SOS1: variants seen among roughly 807,000 people sequenced by gnomAD.
SOS1 encodes son of sevenless homolog 1.
In SOS1, 25 loss-of-function variants were observed where a neutral mutation model predicts 157.6. The observed-to-expected ratio is 0.16, with a 90% CI of 0.12 to 0.22. The LOEUF is 0.22. Among genes scored for constraint, SOS1 ranks in the 10% least tolerant of loss-of-function variants. SOS1 has a pLI of 1.00. For synonymous variants in SOS1, 528 were observed against 534.0 expected (o/e 0.99, Z 0.16); for missense variants, 1,237 against 1,599.1 (o/e 0.77, Z 3.86).
At chr2:39,105,063 T>C (rs746018358) in intron 1 of SOS1, among the ~76,000 whole-genome samples, 2 of 152,190 alleles carry the variant, frequency 1.3e-5, no homozygotes, top group African/African-American at 2.4e-5. Context: ...TTAAATGTTC[T>C]ATAGAAATCA....
Position 38,982,683 on chromosome 2 carries a change from T to A in SOS1, c.*3141A>T, listed in dbSNP as rs557573858. Reference sequence around the variant, plus strand: ...CAACACTAATAAATTGGGACACTCCTCCTATTTTGCTGAGTCACTTAAAAA... The same window carrying A: ...CAACACTAATAAATTGGGACACTCCACCTATTTTGCTGAGTCACTTAAAAA... On this transcript the variant is annotated 3_prime_UTR_variant, in exon 23 of 23. Transcript: ENST00000402219. The A allele has an allele frequency of 6.6e-6, 1 of 152,308 alleles. No individual in the cohort carries two copies. The highest frequency in any genetic ancestry group is 6.5e-5 in the Admixed American group (1 of 15,288). The allele number at this position is 152,308 out of a possible 1,614,324, so 9.4% of individuals were successfully genotyped here. A position where few individuals can be genotyped will look rare whatever the true frequency, so the allele number is the denominator to read the frequency against.
intron 1 of SOS1, among the ~76,000 whole-genome samples, chr2:39,083,288 A>G (rs904503071): frequency 1.3e-5 from 2 of 152,056 alleles, no homozygotes; most frequent in Non-Finnish European, 2.9e-5. Context: ...AGCAGAATGG[A>G]ATCTAGTGAA....
At position 38,986,005 on chromosome 2, in the gene SOS1, G is replaced by C. The variant is rs886041565; in HGVS notation, c.3821C>G (p.Pro1274Arg). The C allele has an allele frequency of 9.3e-6, 15 of 1,613,974 alleles. No individual in the cohort carries two copies. The highest frequency in any genetic ancestry group is 3.3e-5 in the Admixed American group (2 of 59,988). Reference sequence around the variant, plus strand: ...CACTTCTTGTGTCAATGGTGGTGATGGCAGATGCCTTCTTGTGCCGTGAGG... The same window carrying C: ...CACTTCTTGTGTCAATGGTGGTGATCGCAGATGCCTTCTTGTGCCGTGAGG... The part of the protein sequence containing the change: ...PSPHGTRRHL[P>R]SPPLTQEVDL... The change falls in exon 23 of 23, where the codon CCA (proline) becomes CGA (arginine). Residue 1274 changes from proline to arginine, a missense_variant. Around this residue, in one of 15 missense-constraint regions of SOS1, gnomAD observed 306 missense variants for 322.6 expected, o/e 0.95. Transcript: ENST00000402219.
intron 8 of SOS1, among the ~76,000 whole-genome samples, chr2:39,032,873 G>A (rs1366094078): frequency 1.3e-5 from 2 of 152,090 alleles, no homozygotes; most frequent in East Asian, 3.9e-4. Flanking sequence ...GCTGAGGCAG[G>A]AGAATCGCTC....
upstream of SOS1, chr2:39,124,041 A>C (rs372213960): frequency 2.6e-5 from 4 of 152,444 alleles, no homozygotes; most frequent in East Asian, 5.8e-4. Flanking sequence ...CAGGGCGGGT[A>C]ACTGGAGAGA....
At position 39,110,507 on chromosome 2, in the gene SOS1, A is replaced by G. The variant is rs986898816; in HGVS notation, c.87+9829T>C. ...AATCTCTTCAACAGGCTACTACTCT[A>G]GGCATACTGCCTATGGCACAGCCCT... is the stretch of plus-strand genomic sequence containing the variant. On this transcript the variant is annotated intron_variant, in intron 1 of 22. Coordinates refer to ENST00000402219, the MANE Select transcript of SOS1 (RefSeq NM_005633.4). 2.4e-4 allele frequency among the ~76,000 whole-genome samples: 37 copies of G among 152,268 alleles called. 1 individual carries two copies. In the East Asian group the frequency reaches 5.8e-3, roughly 24 times the overall value.
At chr2:38,988,355 C>T (rs1228471756) in intron 21 of SOS1, among the ~76,000 whole-genome samples, 1 of 152,006 alleles carries the variant, frequency 6.6e-6, no homozygotes, top group Non-Finnish European at 1.5e-5. Flanking sequence ...CTCTTACAGA[C>T]ATTTATGGTA....
Position 39,022,660 on chromosome 2 carries a change from C to G in SOS1, c.1768G>C (p.Glu590Gln), listed in dbSNP as rs730881047. The G allele has an allele frequency of 6.8e-6, 11 of 1,613,198 alleles. No individual in the cohort carries two copies. The highest frequency in any genetic ancestry group is 3.3e-4 in the Middle Eastern group (2 of 6,082). ...PDSEENIIFE[E>Q]NMQPKAGIPI... is the part of the protein sequence containing the mutation. ...ATTCCAGCCTTGGGCTGCATGTTCT[C>G]TTCAAATATAATATTCTCTTCAGAG... is the stretch of plus-strand genomic sequence containing the variant. Residue 590 changes from glutamate to glutamine, a missense_variant, in exon 10 of 23, where the codon GAG (glutamate) becomes CAG (glutamine). Glu to Gln is a conservative substitution (Grantham distance 29). Around this residue, in one of 15 missense-constraint regions of SOS1, gnomAD observed 210 missense variants for 220.2 expected, o/e 0.95. Transcript: ENST00000402219.
At chr2:39,001,508 T>C (rs1001455830) in intron 17 of SOS1, among the ~76,000 whole-genome samples, 2 of 152,162 alleles carry the variant, frequency 1.3e-5, no homozygotes. Context: ...TAAATGGTGG[T>C]TGTGCCAGCA....
chr2:39,064,742 A>ATTT (rs4015841), intron 2 of SOS1, among the ~76,000 whole-genome samples: 2,161 of 74,750 alleles, frequency 0.029, 260 homozygotes, highest in East Asian at 0.066. Flanking sequence ...TTTAAAATAC[A>ATTT]TTTTTTTTTT....
rs1043398173 is a variant in SOS1, at chr2:38,982,609, CTG to C, written c.*3213_*3214del. 2.0e-5 allele frequency: 3 copies of C among 152,114 alleles called. No individual in the cohort carries two copies. The highest frequency in any genetic ancestry group is 2.0e-4 in the Admixed American group (3 of 15,266). 9.4% of individuals were successfully genotyped at this position (152,114 alleles called of 1,614,324 possible). On this transcript the variant is annotated 3_prime_UTR_variant, in exon 23 of 23. Transcript: ENST00000402219. ...GAATACCAAGAAATAAATGGTTAAACTGTTTCTTTCTAAATCTGAAGGAACAA... is the reference window on the plus strand; with the variant it reads ...GAATACCAAGAAATAAATGGTTAAACTTTCTTTCTAAATCTGAAGGAACAA...
intron 5 of SOS1, among the ~76,000 whole-genome samples, chr2:39,052,853 A>G (rs750294351): frequency 2.6e-5 from 4 of 152,190 alleles, no homozygotes; most frequent in Non-Finnish European, 4.4e-5. Context: ...GTTTATTGTT[A>G]TAAAGAACTG....
At chr2:39,040,990 T>C (rs1670550133) in intron 6 of SOS1, among the ~76,000 whole-genome samples, 1 of 152,214 alleles carries the variant, frequency 6.6e-6, no homozygotes, top group Non-Finnish European at 1.5e-5. Context: ...TCTCCACATC[T>C]TCATGAACAC....
chr2:39,006,582 C>A (rs1669289822), intron 16 of SOS1, 53 bp from the exon 17 acceptor site: 2 of 894,046 alleles, frequency 2.2e-6, no homozygotes, highest in South Asian at 1.3e-5. Flanking sequence ...AAGGTCTTGT[C>A]AAAAAAAATA....
intron 20 of SOS1, among the ~76,000 whole-genome samples, chr2:38,990,238 T>A (rs573608416): frequency 1.3e-5 from 2 of 152,086 alleles, no homozygotes; most frequent in Non-Finnish European, 2.9e-5. Context: ...TCAAGCATAT[T>A]TGGTCAGAAG....
At chr2:39,027,927 T>A (rs1430558797) in intron 8 of SOS1, among the ~76,000 whole-genome samples, 2 of 151,474 alleles carry the variant, frequency 1.3e-5, no homozygotes. Flanking sequence ...ACCTCCCAGG[T>A]TCAAGCGATT....
rs75570154 is a variant in SOS1 at position 39,023,724 on chromosome 2, G to A, written c.1202+286C>T. On this transcript the variant is annotated intron_variant, in intron 9 of 22. Coordinates refer to ENST00000402219, the MANE Select transcript of SOS1 (RefSeq NM_005633.4). ...AATAATTTTACTTTGACAGAATAACGATGCCAACATAAATCTACCCGATAC... is the reference window on the plus strand; with the variant it reads ...AATAATTTTACTTTGACAGAATAACAATGCCAACATAAATCTACCCGATAC... The A allele has an allele frequency of 1.9e-3, 640 of 341,036 alleles. 7 individuals carry two copies. Among genetic ancestry groups the A allele is most frequent in the African/African-American group, 0.013 (612 of 46,506 alleles). The allele number at this position is 341,036 out of a possible 1,614,324, so 21.1% of individuals were successfully genotyped here. A position where few individuals can be genotyped will look rare whatever the true frequency, so the allele number is the denominator to read the frequency against.
intron 17 of SOS1, among the ~76,000 whole-genome samples, chr2:39,005,965 C>T (rs987284756): frequency 6.6e-6 from 1 of 152,072 alleles, no homozygotes; most frequent in African/African-American, 2.4e-5. Flanking sequence ...CTTCCTTCCT[C>T]TGATGCAGAA....
chr2:38,998,838 T>C (rs971142421), intron 17 of SOS1, among the ~76,000 whole-genome samples: 5 of 152,162 alleles, frequency 3.3e-5, no homozygotes, highest in Non-Finnish European at 7.4e-5. Flanking sequence ...ACTCCCCACA[T>C]GTGTACGGAT....
Sources: gnomAD v4.1 joint callset for allele counts (sites outside exome capture counted in the v4.1 genomes callset) on GRCh38, gnomAD v4.1.1 for gene constraint, gnomAD v4.1.1 regional missense constraint, MANE v1.5 for transcripts, NCBI Gene and HGNC (gene_info 2026-07-23, HGNC 2026-07-21) for gene names.